Variants in SV2C observed in about 807,000 individuals in gnomAD.
SV2C encodes synaptic vesicle glycoprotein 2C.
Under a neutral mutation model 79.7 loss-of-function variants are expected in SV2C, and 49 were observed. That is an observed-to-expected ratio of 0.61 (90% CI 0.49 to 0.78). SV2C has a LOEUF of 0.78. Ranked by LOEUF, SV2C falls within the 30% of genes least tolerant of loss-of-function variation. SV2C has a pLI of 0.00. For synonymous variants in SV2C, 334 were observed against 333.2 expected (o/e 1.00, Z -0.03); for missense variants, 833 against 912.9 (o/e 0.91, Z 1.13).
intron 4 of SV2C, among the ~76,000 whole-genome samples, chr5:76,254,382 T>G (rs948356254): frequency 6.6e-6 from 1 of 151,852 alleles, no homozygotes; most frequent in Non-Finnish European, 1.5e-5. Context: ...TCCTTGAGAG[T>G]GTCGGTGGAA....
intron 4 of SV2C, among the ~76,000 whole-genome samples, chr5:76,230,008 G>A (rs1415231825): frequency 6.6e-6 from 1 of 152,194 alleles, no homozygotes. Flanking sequence ...ACAACATGTT[G>A]TTTGTGAAAG....
In SV2C at chr5:76,285,826, G is replaced by T; in HGVS notation, c.1093G>T (p.Asp365Tyr). ...EAWMILKLIH[D>Y]TNMRARGQPE... ...TTGGATGATTCTGAAGTTAATTCAT[G>T]ACACCAACATGAGAGCCCGGGGTCA... Residue 365 changes from aspartate to tyrosine, a missense_variant, in exon 6 of 13, where the codon GAC (aspartate) becomes TAC (tyrosine). By Grantham distance (160) the Asp-to-Tyr change is radical (BLOSUM62 -3). Coordinates refer to ENST00000502798, the MANE Select transcript of SV2C (RefSeq NM_014979.4). The T allele has an allele frequency of 6.2e-7, 1 of 1,614,056 alleles. No homozygotes were observed. The highest frequency in any genetic ancestry group is 1.1e-5 in the South Asian group (1 of 91,036).
At chr5:76,137,846 G>A (rs1352395989) in intron 2 of SV2C, among the ~76,000 whole-genome samples, 1 of 152,070 alleles carries the variant, frequency 6.6e-6, no homozygotes, top group Non-Finnish European at 1.5e-5. Flanking sequence ...TGGGGAGGAG[G>A]GTTGACAGGA....
At chr5:76,189,377 G>T (rs1238321006) in intron 2 of SV2C, among the ~76,000 whole-genome samples, 1 of 151,982 alleles carries the variant, frequency 6.6e-6, no homozygotes, top group Non-Finnish European at 1.5e-5. Context: ...CATTTTCAGT[G>T]TTGCCTTTGG....
At chr5:76,213,572 A>G (rs1357088190) in intron 4 of SV2C, among the ~76,000 whole-genome samples, 2 of 152,302 alleles carry the variant, frequency 1.3e-5, no homozygotes, top group Non-Finnish European at 2.9e-5. Flanking sequence ...GAGACACAGC[A>G]TTGAGAGTTT....
the SV2C span, among the ~76,000 whole-genome samples, chr5:76,007,416 A>G: frequency 0.081 from 12,299 of 152,178 alleles, 1,234 homozygotes; most frequent in African/African-American, 0.24. Context: ...GTGATAACAT[A>G]TAACTTACAG....
chr5:76,105,804 A>T (rs909152768), intron 1 of SV2C, among the ~76,000 whole-genome samples: 6 of 152,050 alleles, frequency 3.9e-5, no homozygotes, highest in Admixed American at 3.9e-4. Context: ...TCCTCCTGCC[A>T]CCTAGGTACC....
chr5:76,296,133 C>A, intron 9 of SV2C, 191 bp downstream of exon 9: 1 of 421,982 alleles, frequency 2.4e-6, no homozygotes, highest in Admixed American at 4.6e-5. Flanking sequence ...TCCATTACTT[C>A]ACTTAAAACT....
chr5:76,139,100 T>G (rs556094178), intron 2 of SV2C, among the ~76,000 whole-genome samples: 1 of 150,958 alleles, frequency 6.6e-6, no homozygotes, highest in African/African-American at 2.4e-5. Flanking sequence ...GCCTGGGCGA[T>G]GGAGCGAGAC....
intron 2 of SV2C, among the ~76,000 whole-genome samples, chr5:76,181,002 G>A (rs1743702643): frequency 6.6e-6 from 1 of 152,082 alleles, no homozygotes; most frequent in African/African-American, 2.4e-5. Flanking sequence ...ATTTCGCAAG[G>A]CTCTCAACTG....
chr5:76,113,181 C>T (rs904598884), intron 1 of SV2C, among the ~76,000 whole-genome samples: 29 of 152,262 alleles, frequency 1.9e-4, no homozygotes, highest in African/African-American at 6.3e-4. Flanking sequence ...AATACCTCTA[C>T]TTGTCCACCT....
chr5:75,952,553 G>A, the SV2C span, among the ~76,000 whole-genome samples: 21 of 151,964 alleles, frequency 1.4e-4, no homozygotes, highest in African/African-American at 4.6e-4. Context: ...GAATGGCTTA[G>A]TGCCATCCCC....
the SV2C span, among the ~76,000 whole-genome samples, chr5:75,928,061 T>C: frequency 6.6e-6 from 1 of 152,216 alleles, no homozygotes; most frequent in Admixed American, 6.5e-5. Context: ...TTCTAAAATA[T>C]AATTTTTTAG....
the SV2C span, among the ~76,000 whole-genome samples, chr5:75,927,225 C>T: frequency 7.2e-5 from 11 of 151,736 alleles, no homozygotes; most frequent in African/African-American, 2.4e-4. Flanking sequence ...TCATAATAGC[C>T]GAAATATGGA....
intron 12 of SV2C, among the ~76,000 whole-genome samples, chr5:76,345,518 G>T (rs1000032544): frequency 1.3e-5 from 2 of 152,182 alleles, no homozygotes; most frequent in Non-Finnish European, 2.9e-5. Context: ...CAACAGGAGG[G>T]TTAGGGAAGG....
intron 1 of SV2C, among the ~76,000 whole-genome samples, chr5:76,125,177 CTT>C (rs1019305849): frequency 6.6e-6 from 1 of 152,116 alleles, no homozygotes; most frequent in African/African-American, 2.4e-5. Context: ...CTTTGAATGA[CTT>C]ATTGCTTTAA....
the SV2C span, among the ~76,000 whole-genome samples, chr5:75,983,329 A>T: frequency 6.6e-6 from 1 of 152,112 alleles, no homozygotes; most frequent in African/African-American, 2.4e-5. Context: ...AGAACTACTT[A>T]ACTTTCAGCA....
chr5:76,289,075 A>G (rs1430063786), intron 6 of SV2C, among the ~76,000 whole-genome samples: 2 of 151,914 alleles, frequency 1.3e-5, no homozygotes, highest in Non-Finnish European at 2.9e-5. Context: ...ATAATTAACA[A>G]CAGGTCTCCT....
At chr5:76,101,231 T>C (rs1389956685) in intron 1 of SV2C, among the ~76,000 whole-genome samples, 13 of 152,022 alleles carry the variant, frequency 8.6e-5, no homozygotes, top group Non-Finnish European at 4.4e-5. Flanking sequence ...TGGGACTCTG[T>C]GAAGGTCAGG....
Sources: allele counts gnomAD v4.1 joint callset (sites outside exome capture counted in the v4.1 genomes callset), GRCh38; gene constraint gnomAD v4.1.1; transcripts MANE v1.5; gene names NCBI Gene and HGNC (gene_info 2026-07-23, HGNC 2026-07-21).